The following TWIST2 variants were observed in gnomAD, a reference collection of about 807,000 sequenced individuals.
TWIST2 encodes twist family bHLH transcription factor 2.
Under a neutral mutation model 11.6 loss-of-function variants are expected in TWIST2, and 1 was observed. That is an observed-to-expected ratio of 0.09 (90% confidence interval 0.03 to 0.41). TWIST2 has a LOEUF of 0.41. TWIST2 is among the 10% of genes least tolerant of loss of function. The probability of loss-of-function intolerance (pLI) is 0.98; values close to 1 mark genes in which losing one functional copy is unlikely to be tolerated. For synonymous variants in TWIST2, 87 were observed against 96.6 expected (o/e 0.90, Z 0.58); for missense variants, 168 against 226.4 (o/e 0.74, Z 1.66).
At chr2:238,882,114 G>A (rs1692947312) in intron 1 of TWIST2, among the ~76,000 whole-genome samples, 1 of 152,066 alleles carries the variant, frequency 6.6e-6, no homozygotes, top group African/African-American at 2.4e-5. Context: ...GGGGCACATG[G>A]CAAGTCAGAT....
chr2:238,905,964 C>CGT (rs1221851359), intron 1 of TWIST2, among the ~76,000 whole-genome samples: 4 of 115,448 alleles, frequency 3.5e-5, no homozygotes, highest in East Asian at 4.3e-4. Flanking sequence ...TGTACGTGTG[C>CGT]GTGTGTGTGC....
rs1474179053 is a variant in TWIST2, at chr2:238,864,245, A to G, written c.*35+15512A>G. On this transcript the variant is annotated intron_variant, in intron 1 of 1. Transcript: ENST00000612363. This position sits in a 1 kb window ranked among gnomAD's most constrained non-coding sequence, Gnocchi z 4.7. ...TGCCGTGGTATCCTCTCTTCTCCAC[A>G]TTACACCCCAAGCACGCGACTGTGA... is the stretch of plus-strand genomic sequence containing the variant. Among the ~76,000 whole-genome samples, 1 of 152,140 alleles carries G rather than the reference A, an allele frequency of 6.6e-6. No individual in the cohort carries two copies. The highest frequency in any genetic ancestry group is 2.4e-5 in the African/African-American group (1 of 41,436).
At chr2:238,865,112 C>T (rs1459722312) in intron 1 of TWIST2, among the ~76,000 whole-genome samples, 2 of 152,354 alleles carry the variant, frequency 1.3e-5, no homozygotes, top group East Asian at 3.9e-4. Context: ...TTATTTTCAT[C>T]CTCAGAATGG....
intron 1 of TWIST2, among the ~76,000 whole-genome samples, chr2:238,871,964 G>A (rs1692713673): frequency 6.6e-6 from 1 of 152,210 alleles, no homozygotes; most frequent in South Asian, 2.1e-4. Context: ...TTCTGGAGAT[G>A]ATGGTGGTTA....
In TWIST2 at chr2:238,903,095, G is replaced by A. The variant is rs1419077447; in HGVS notation, c.*36-6747G>A. ...GTGTGTGATGTGGGGTGTGTGCTGTGGGGTATGTGCGTGATGTGAGGTGTG... is the reference window on the plus strand; with the variant it reads ...GTGTGTGATGTGGGGTGTGTGCTGTAGGGTATGTGCGTGATGTGAGGTGTG... On this transcript the variant is annotated intron_variant, in intron 1 of 1. Transcript: ENST00000612363. 8.4e-3 allele frequency among the ~76,000 whole-genome samples: 935 copies of A among 111,568 alleles called. 11 individuals carry two copies. Among genetic ancestry groups the A allele is most frequent in the Non-Finnish European group, 0.011 (636 of 55,868 alleles). 73.2% of individuals were successfully genotyped at this position (111,568 alleles called of 152,430 possible).
intron 1 of TWIST2, among the ~76,000 whole-genome samples, chr2:238,897,205 G>A (rs928863417): frequency 1.3e-5 from 2 of 151,824 alleles, no homozygotes; most frequent in African/African-American, 2.4e-5. Context: ...TCCTCCTGCC[G>A]CACTTCTCCC....
At chr2:238,870,530 C>G (rs1692654606) in intron 1 of TWIST2, among the ~76,000 whole-genome samples, 1 of 136,046 alleles carries the variant, frequency 7.4e-6, no homozygotes, top group Non-Finnish European at 1.6e-5. Flanking sequence ...ACAAACCACA[C>G]ACCCTACATA....
chr2:238,892,606 G>A (rs1287303971), intron 1 of TWIST2, among the ~76,000 whole-genome samples: 4 of 151,618 alleles, frequency 2.6e-5, no homozygotes, highest in Non-Finnish European at 2.9e-5. Flanking sequence ...TCAGCCCCCC[G>A]AGTAGCTGGG....
At chr2:238,853,734 G>C (rs1410739755) in intron 1 of TWIST2, among the ~76,000 whole-genome samples, 1 of 152,186 alleles carries the variant, frequency 6.6e-6, no homozygotes, top group African/African-American at 2.4e-5. Context: ...ACTTGGATCT[G>C]AAATTGGAAA....
chr2:238,849,954 ACT>A (rs1397483689), intron 1 of TWIST2, among the ~76,000 whole-genome samples: 1 of 152,072 alleles, frequency 6.6e-6, no homozygotes, highest in Non-Finnish European at 1.5e-5. Context: ...TTTATAAAAG[ACT>A]CTACTTCACA....
intron 1 of TWIST2, among the ~76,000 whole-genome samples, chr2:238,851,043 A>G (rs1692232532): frequency 6.6e-6 from 1 of 152,280 alleles, no homozygotes; most frequent in Non-Finnish European, 1.5e-5. Flanking sequence ...GTTGCTAAAC[A>G]GCATTTGTTT....
intron 1 of TWIST2, among the ~76,000 whole-genome samples, chr2:238,896,950 C>T (rs1409497967): frequency 1.3e-5 from 2 of 152,054 alleles, no homozygotes; most frequent in Non-Finnish European, 2.9e-5. Context: ...AGGCACACCC[C>T]AGGGGGAGGG....
intron 1 of TWIST2, among the ~76,000 whole-genome samples, chr2:238,908,046 TAC>T (rs1393668361): frequency 5.6e-5 from 8 of 142,712 alleles, no homozygotes; most frequent in East Asian, 2.2e-4. Context: ...CACCCCCACA[TAC>T]ACACACAAAG....
At position 238,905,990 on chromosome 2, in the gene TWIST2, C is replaced by T. The variant is rs1043806553; in HGVS notation, c.*36-3852C>T. On this transcript the variant is annotated intron_variant, in intron 1 of 1. Transcript: ENST00000612363. Reference sequence around the variant, plus strand: ...GTGTGTGTGCGCGCGCGTGTACGTGCGCGTGTGTGCGTGTGCGTGTGTGGT... The same window carrying T: ...GTGTGTGTGCGCGCGCGTGTACGTGTGCGTGTGTGCGTGTGCGTGTGTGGT... Among the ~76,000 whole-genome samples, 511 of 143,122 alleles carry T rather than the reference C, an allele frequency of 3.6e-3. 1 individual carries two copies. The highest frequency in any genetic ancestry group is 0.01 in the African/African-American group (377 of 37,690). 93.9% of individuals were successfully genotyped at this position (143,122 alleles called of 152,430 possible).
intron 1 of TWIST2, among the ~76,000 whole-genome samples, chr2:238,870,468 G>A (rs879145313): frequency 7.6e-4 from 3 of 3,966 alleles, no homozygotes; most frequent in Admixed American, 2.2e-3. Flanking sequence ...CCACACACCC[G>A]ACACACGCCA....
At chr2:238,849,597 G>A (rs2106346586) in intron 1 of TWIST2, among the ~76,000 whole-genome samples, 1 of 152,312 alleles carries the variant, frequency 6.6e-6, no homozygotes, top group Middle Eastern at 3.4e-3. Context: ...ATGGGCGAGG[G>A]GTCCAGGCTG....
At chr2:238,905,624 A>AT (rs1693330591) in intron 1 of TWIST2, among the ~76,000 whole-genome samples, 1 of 152,050 alleles carries the variant, frequency 6.6e-6, no homozygotes, top group Non-Finnish European at 1.5e-5. Flanking sequence ...GTGATACGGT[A>AT]TTTCCCCTTG....
intron 1 of TWIST2, among the ~76,000 whole-genome samples, chr2:238,891,134 T>C (rs978912127): frequency 1.3e-5 from 2 of 152,230 alleles, no homozygotes; most frequent in African/African-American, 4.8e-5. Context: ...ATCTCAAAAA[T>C]GAAATGTCAG....
In TWIST2 at chr2:238,887,761, C is replaced by T. The variant is rs541655790; in HGVS notation, c.*36-22081C>T. Reference sequence around the variant, plus strand: ...CTGAAGAGGCCACAGGTTCTCAAGACTGTGGAGGCTCTACCAGCCTGAGTC... The same window carrying T: ...CTGAAGAGGCCACAGGTTCTCAAGATTGTGGAGGCTCTACCAGCCTGAGTC... On this transcript the variant is annotated intron_variant, in intron 1 of 1. Transcript: ENST00000612363. Among the ~76,000 whole-genome samples, 7 of 152,326 alleles carry T rather than the reference C, an allele frequency of 4.6e-5. No homozygotes were observed. The South Asian group carries it at 1.4e-3, about 32-fold the overall frequency.
Sources: allele counts gnomAD v4.1 joint callset (sites outside exome capture counted in the v4.1 genomes callset), GRCh38; gene constraint gnomAD v4.1.1; non-coding constraint Gnocchi (gnomAD v3.1); transcripts MANE v1.5; gene names NCBI Gene and HGNC (gene_info 2026-07-23, HGNC 2026-07-21).